Variants in PPM1K observed in about 807,000 individuals in gnomAD.
The protein encoded by PPM1K is protein phosphatase Mn(2+)-dependent 1K.
A neutral mutation model predicts 32.6 loss-of-function variants in PPM1K; 19 were observed. The observed-to-expected ratio is 0.58, with a 90% CI of 0.41 to 0.86. The LOEUF (loss-of-function observed/expected upper bound fraction) is 0.86, where lower values mean the gene tolerates loss of function less well. Among genes scored for constraint, PPM1K ranks in the 40% least tolerant of loss-of-function variants. The pLI, the probability that PPM1K is intolerant of heterozygous loss-of-function variation, is 0.00. For synonymous variants in PPM1K, 159 were observed against 165.3 expected, an observed-to-expected ratio of 0.96 and a Z score of 0.29; for missense variants, 362 against 461.2, an observed-to-expected ratio of 0.78 and a Z score of 1.97.
At chr4:88,281,579 C>T (rs1200465671) in intron 1 of PPM1K, among the ~76,000 whole-genome samples, 1 of 152,092 alleles carries the variant, frequency 6.6e-6, no homozygotes, top group Non-Finnish European at 1.5e-5. Flanking sequence ...CATAGGAAAC[C>T]ACCTACTTTA....
intron 3 of PPM1K, among the ~76,000 whole-genome samples, chr4:88,272,618 T>C (rs756155153): frequency 7.2e-5 from 11 of 152,186 alleles, no homozygotes; most frequent in Non-Finnish European, 1.5e-4. Context: ...TTTTATTAAT[T>C]GTAAAAGTAG....
At chr4:88,263,307 G>A (rs1443042451) in intron 6 of PPM1K, among the ~76,000 whole-genome samples, 2 of 151,242 alleles carry the variant, frequency 1.3e-5, no homozygotes, top group Admixed American at 6.6e-5. Flanking sequence ...GAATTGGTAA[G>A]AAAAAAAAAT....
Position 88,277,257 on chromosome 4 carries a change from A to G in PPM1K, c.441-14T>C, listed in dbSNP as rs1473492298. ...GGAAGCAAATCCCTTTGTGGGGAGG[A>G]AAAAAAGAGCCTTAAACAATCATTT... On this transcript the variant is annotated splice_polypyrimidine_tract_variant and intron_variant, in intron 2 of 6. Transcript: ENST00000608933. 1.3e-6 allele frequency: 2 copies of G among 1,545,862 alleles called. No homozygotes were observed. Among genetic ancestry groups the G allele is most frequent in the East Asian group, 2.2e-5 (1 of 44,498 alleles).
At chr4:88,277,858 T>C in intron 2 of PPM1K, 2 of 466,292 alleles carry the variant, frequency 4.3e-6, no homozygotes, top group Non-Finnish European at 7.8e-6. Context: ...ATGCTTCTCA[T>C]AGGTTATCTC....
At position 88,278,340 on chromosome 4, in the gene PPM1K, T is replaced by G. The variant is rs1166337900; in HGVS notation, c.244A>C (p.Lys82Gln). 3 of 1,614,168 alleles carry G rather than the reference T, an allele frequency of 1.9e-6. No individual in the cohort carries two copies. The highest frequency in any genetic ancestry group is 2.5e-6 in the Non-Finnish European group (3 of 1,180,028). Reference protein sequence around the residue: ...DEPILLPPSIKYGKPIPKISL... With the variant: ...DEPILLPPSIQYGKPIPKISL... Reference sequence around the variant, plus strand: ...ATTTTGGGAATTGGCTTGCCATACTTAATGCTGGGTGGCAGCAGAATTGGC... The same window carrying G: ...ATTTTGGGAATTGGCTTGCCATACTGAATGCTGGGTGGCAGCAGAATTGGC... The change falls in exon 2 of 7, where the codon AAG becomes CAG. Residue 82 changes from lysine (K) to glutamine (Q), a missense_variant. Transcript: ENST00000608933. The surrounding 1 kb of genome is among the most constrained non-coding windows in gnomAD (Gnocchi z 4.2).
intron 5 of PPM1K, among the ~76,000 whole-genome samples, chr4:88,265,489 C>G (rs933576448): frequency 6.6e-6 from 1 of 152,212 alleles, no homozygotes; most frequent in Non-Finnish European, 1.5e-5. Flanking sequence ...TCCTCTTTCA[C>G]CTTCCACCAT....
chr4:88,263,607 T>TA (rs1285735555), intron 6 of PPM1K, among the ~76,000 whole-genome samples: 1 of 151,914 alleles, frequency 6.6e-6, no homozygotes, highest in Non-Finnish European at 1.5e-5. Context: ...CCCAGCTAAG[T>TA]AAAAAAAATA....
chr4:88,278,641 GT>G lies in PPM1K; in HGVS notation c.-59del. On this transcript the variant is annotated splice_region_variant and 5_prime_UTR_variant, in exon 2 of 7. Transcript: ENST00000608933. The surrounding 1 kb of genome is among the most constrained non-coding windows in gnomAD (Gnocchi z 4.2). ...AAGGTCAATGGAACAATAATGGAAT[GT>G]CTTCAAGAAAAATGATGCAAGTCAC... 1 of 1,393,316 alleles carries G rather than the reference GT, an allele frequency of 7.2e-7. No individual in the cohort carries two copies. The highest frequency in any genetic ancestry group is 9.8e-7 in the Non-Finnish European group (1 of 1,019,066). 86.3% of individuals were successfully genotyped at this position (1,393,316 alleles called of 1,614,324 possible).
At chr4:88,283,607 T>G (rs1057383941) in intron 1 of PPM1K, among the ~76,000 whole-genome samples, 2 of 152,216 alleles carry the variant, frequency 1.3e-5, no homozygotes, top group Non-Finnish European at 2.9e-5. Flanking sequence ...CTTTGTCACA[T>G]CCGGTGAATT....
intron 1 of PPM1K, among the ~76,000 whole-genome samples, chr4:88,281,703 G>C (rs762705681): frequency 2.6e-5 from 4 of 152,134 alleles, no homozygotes; most frequent in Non-Finnish European, 5.9e-5. Context: ...CTGGCTCCAT[G>C]TCCTTTTCCA....
At chr4:88,268,402 C>T (rs1414870286) in intron 4 of PPM1K, 68 bp from the exon 5 acceptor site, 3 of 1,564,556 alleles carry the variant, frequency 1.9e-6, no homozygotes, top group Admixed American at 1.7e-5. Flanking sequence ...GAGGGCAGAT[C>T]ACGAGGTCAG....
Position 88,278,672 on chromosome 4 carries a change from G to T in PPM1K, c.-59-30C>A. ...AAGAAAAATGATGCAAGTCACAGGG[G>T]ACAGAGGGAGAGAGGGGCAGAGGAG... On this transcript the variant is annotated intron_variant, in intron 1 of 6. Coordinates refer to ENST00000608933, the MANE Select transcript of PPM1K (RefSeq NM_152542.5). The surrounding 1 kb of genome is among the most constrained non-coding windows in gnomAD (Gnocchi z 4.2). 1 of 1,059,490 alleles carries T rather than the reference G, an allele frequency of 9.4e-7. No individual in the cohort carries two copies. Among genetic ancestry groups the T allele is most frequent in the Non-Finnish European group, 1.4e-6 (1 of 736,000 alleles). The allele number at this position is 1,059,490 out of a possible 1,614,324, so 65.6% of individuals were successfully genotyped here.
Position 88,262,714 on chromosome 4 carries a change from C to T in PPM1K, c.1000G>A (p.Gly334Ser), listed in dbSNP as rs1178021249. The change falls in exon 7 of 7, where the codon GGT becomes AGT. Residue 334 changes from glycine to serine, a missense_variant. Physicochemically the swap from Gly to Ser is moderately conservative, Grantham distance 56. Transcript: ENST00000608933. ...HAVTEQAIQYGTEDNSTAVVV... is the reference protein window; with the variant it reads ...HAVTEQAIQYSTEDNSTAVVV... ...ACTGCAGTACTGTTATCCTCAGTAC[C>T]GTACTGTATTGCCTGCAAGGTTTGG... The T allele has an allele frequency of 1.2e-6, 2 of 1,610,674 alleles. No individual in the cohort carries two copies. Among genetic ancestry groups the T allele is most frequent in the Non-Finnish European group, 1.7e-6 (2 of 1,178,776 alleles).
At position 88,262,263 on chromosome 4, in the gene PPM1K, G is replaced by A. The variant is rs1339662485; in HGVS notation, c.*332C>T. 2.5e-5 allele frequency: 4 copies of A among 163,202 alleles called. No homozygotes were observed. The highest frequency in any genetic ancestry group is 5.3e-5 in the Non-Finnish European group (4 of 75,746). The allele number at this position is 163,202 out of a possible 1,614,324, so 10.1% of individuals were successfully genotyped here. ...TCAAAAACGTGTTCAAATGAATAAA[G>A]AACAAAAATGATCAAAAGAAACCCA... On this transcript the variant is annotated 3_prime_UTR_variant, in exon 7 of 7. Transcript: ENST00000608933.
In PPM1K at chr4:88,278,231, T is replaced by A; in HGVS notation, c.353A>T (p.Asp118Val). ...EDRFDFAQLT[D>V]EVLYFAVYDG... ...ATACACTGCAAAGTACAGGACCTCA[T>A]CTGTCAGCTGAGCGAAGTCAAACCG... The change falls in exon 2 of 7, where the codon GAT (aspartate) becomes GTT (valine). Residue 118 changes from aspartate to valine, a missense_variant. Physicochemically the swap from Asp to Val is radical, Grantham distance 152. Transcript: ENST00000608933. The surrounding 1 kb of genome is among the most constrained non-coding windows in gnomAD (Gnocchi z 4.2). 10 of 1,614,050 alleles carry A rather than the reference T, an allele frequency of 6.2e-6. No homozygotes were observed. The highest frequency in any genetic ancestry group is 7.6e-6 in the Non-Finnish European group (9 of 1,179,872).
intron 1 of PPM1K, among the ~76,000 whole-genome samples, chr4:88,282,884 T>G (rs1732071464): frequency 6.6e-6 from 1 of 152,210 alleles, no homozygotes; most frequent in African/African-American, 2.4e-5. Flanking sequence ...TCCTTCACAG[T>G]CTATTATGTC....
Position 88,262,503 on chromosome 4 carries a change from C to G in PPM1K, c.*92G>C. 1 of 1,425,636 alleles carries G rather than the reference C, an allele frequency of 7.0e-7. No homozygotes were observed. The highest frequency in any genetic ancestry group is 9.6e-7 in the Non-Finnish European group (1 of 1,045,806). The allele number at this position is 1,425,636 out of a possible 1,614,324, so 88.3% of individuals were successfully genotyped here. A position where few individuals can be genotyped will look rare whatever the true frequency, so the allele number is the denominator to read the frequency against. On this transcript the variant is annotated 3_prime_UTR_variant, in exon 7 of 7. Transcript: ENST00000608933. ...GGTTTACACTGACTTGTGCGCTGAT[C>G]TAGTGAGTTAGGAGACCTTTTTGAT...
At chr4:88,276,866 T>C (rs146447400) in intron 3 of PPM1K, 2 of 1,020,852 alleles carry the variant, frequency 2.0e-6, no homozygotes, top group African/African-American at 3.4e-5. Flanking sequence ...ATTTTTAAAA[T>C]CTTTTAAAAA....
At chr4:88,274,218 G>T (rs933839153) in intron 3 of PPM1K, among the ~76,000 whole-genome samples, 1 of 152,156 alleles carries the variant, frequency 6.6e-6, no homozygotes, top group East Asian at 1.9e-4. Context: ...CTCACCATTA[G>T]TAATTCACTT....
Sources: gnomAD v4.1 joint callset for allele counts (sites outside exome capture counted in the v4.1 genomes callset) on GRCh38, gnomAD v4.1.1 for gene constraint, Gnocchi (gnomAD v3.1) non-coding constraint, MANE v1.5 for transcripts, NCBI Gene and HGNC (gene_info 2026-07-23, HGNC 2026-07-21) for gene names.